The following GPC5 variants were observed in gnomAD, a reference collection of about 807,000 sequenced individuals.
GPC5 encodes the protein glypican 5.
GPC5 carries 47 observed loss-of-function variants against 53.9 expected under a neutral mutation model. The observed-to-expected ratio is 0.87, with a 90% CI of 0.69 to 1.11. The LOEUF (loss-of-function observed/expected upper bound fraction) is 1.11, where lower values mean the gene tolerates loss of function less well. Ranked by LOEUF, GPC5 falls within the 50% of genes most tolerant of loss-of-function variation. The probability of loss-of-function intolerance (pLI) is 0.00; values close to 1 mark genes in which losing one functional copy is unlikely to be tolerated. For missense variants in GPC5, 748 were observed against 713.1 expected (o/e 1.05, Z -0.56); for synonymous variants, 286 against 263.3 (o/e 1.09, Z -0.84).
At chr13:91,903,451 G>A (rs191123116) in intron 5 of GPC5, among the ~76,000 whole-genome samples, 16 of 152,162 alleles carry the variant, frequency 1.1e-4, no homozygotes, top group African/African-American at 2.9e-4. Context: ...GGTGGTTTCC[G>A]TCAGTTTACA....
chr13:92,738,922 G>A (rs922485214), intron 7 of GPC5, among the ~76,000 whole-genome samples: 4 of 152,056 alleles, frequency 2.6e-5, no homozygotes, highest in Non-Finnish European at 5.9e-5. Context: ...AAACTCATTT[G>A]ACCACAGTAC....
chr13:91,420,251 T>C lies in GPC5; in HGVS notation c.163+21042T>C, dbSNP rs77534255. Among the ~76,000 whole-genome samples the C allele has an allele frequency of 6.0e-4, 92 of 152,344 alleles. No homozygotes were observed. The East Asian group carries it at 0.014, about 24-fold the overall frequency. On this transcript the variant is annotated intron_variant, in intron 1 of 7. Coordinates refer to ENST00000377067, the MANE Select transcript of GPC5 (RefSeq NM_004466.6). ...CTTTCATACTTGTGGGTTTCCTTTG[T>C]TATTCCTTTAGTAAATTTTATTTTT...
At chr13:92,635,603 T>C (rs1362013012) in intron 7 of GPC5, among the ~76,000 whole-genome samples, 2 of 152,174 alleles carry the variant, frequency 1.3e-5, no homozygotes, top group Non-Finnish European at 2.9e-5. Context: ...AGGTCCCACT[T>C]CTCACCACTG....
intron 2 of GPC5, among the ~76,000 whole-genome samples, chr13:91,579,569 T>C (rs1455410331): frequency 6.6e-6 from 1 of 152,098 alleles, no homozygotes; most frequent in East Asian, 1.9e-4. Flanking sequence ...TCTTACTCCT[T>C]AAGCTCTTAC....
chr13:92,050,125 G>T (rs571496711), intron 6 of GPC5, among the ~76,000 whole-genome samples: 9 of 152,158 alleles, frequency 5.9e-5, no homozygotes, highest in Non-Finnish European at 1.3e-4. Flanking sequence ...AATGAGGAGA[G>T]TGTACTCATA....
Position 91,594,985 on chromosome 13 carries a change from C to CATTTATTT in GPC5, c.326-98153_326-98146dup, listed in dbSNP as rs60740693. ...TTGCCCAGGCTTATTTTTTTATTTA[C>CATTTATTT]ATTTATTTATTTATTTATTTATTTA... On this transcript the variant is annotated intron_variant, in intron 2 of 7. Coordinates refer to ENST00000377067, the MANE Select transcript of GPC5 (RefSeq NM_004466.6). Among the ~76,000 whole-genome samples, 206 of 137,568 alleles carry CATTTATTT rather than the reference C, an allele frequency of 1.5e-3. 1 individual carries two copies. Among genetic ancestry groups the CATTTATTT allele is most frequent in the African/African-American group, 3.1e-3 (112 of 36,618 alleles). 90.2% of individuals were successfully genotyped at this position (137,568 alleles called of 152,430 possible). A position where few individuals can be genotyped will look rare whatever the true frequency, so the allele number is the denominator to read the frequency against.
rs147194260 is a variant in GPC5, at chr13:92,294,031, T to C, written c.1561+149042T>C. Reference sequence around the variant, plus strand: ...GTGTGTTAAACCATTCTTGCATCCCTGGTATGAAACCTACTTGATCATGTT... The same window carrying C: ...GTGTGTTAAACCATTCTTGCATCCCCGGTATGAAACCTACTTGATCATGTT... On this transcript the variant is annotated intron_variant, in intron 7 of 7. Transcript: ENST00000377067. Among the ~76,000 whole-genome samples the C allele has an allele frequency of 1.9e-3, 293 of 152,338 alleles. 3 individuals are homozygous for C. Among genetic ancestry groups the C allele is most frequent in the African/African-American group, 5.9e-3 (246 of 41,576 alleles).
intron 1 of GPC5, among the ~76,000 whole-genome samples, chr13:91,421,941 G>C (rs781435692): frequency 2.0e-5 from 3 of 152,196 alleles, no homozygotes; most frequent in Admixed American, 6.5e-5. Flanking sequence ...ATGAAGTCAG[G>C]AGTACTAGCT....
chr13:91,903,647 T>A (rs1444981294), intron 5 of GPC5, among the ~76,000 whole-genome samples: 1 of 152,160 alleles, frequency 6.6e-6, no homozygotes, highest in Non-Finnish European at 1.5e-5. Flanking sequence ...TTTGAAGTAA[T>A]GTGTGTCTAC....
At chr13:91,518,444 T>TA (rs1885627350) in intron 2 of GPC5, among the ~76,000 whole-genome samples, 1 of 152,224 alleles carries the variant, frequency 6.6e-6, no homozygotes, top group East Asian at 1.9e-4. Flanking sequence ...TAATTTATTT[T>TA]AAAAGTTTAT....
chr13:92,094,725 A>T (rs1356068680), intron 6 of GPC5, among the ~76,000 whole-genome samples: 3 of 151,238 alleles, frequency 2.0e-5, no homozygotes, highest in Admixed American at 2.0e-4. Context: ...GATCTCAGAA[A>T]AATCCTAATT....
intron 5 of GPC5, among the ~76,000 whole-genome samples, chr13:91,772,876 AGTTTGGGG>A (rs1326919588): frequency 6.6e-6 from 1 of 152,168 alleles, no homozygotes; most frequent in African/African-American, 2.4e-5. Context: ...TGAGCACATA[AGTTTGGGG>A]ACCACTGCCT....
intron 6 of GPC5, among the ~76,000 whole-genome samples, chr13:92,107,433 G>T (rs369001464): frequency 6.6e-6 from 1 of 151,936 alleles, no homozygotes. Flanking sequence ...TTTTCTCAGT[G>T]TTGGGGCACT....
At chr13:92,565,189 G>T (rs1882825358) in intron 7 of GPC5, among the ~76,000 whole-genome samples, 1 of 151,958 alleles carries the variant, frequency 6.6e-6, no homozygotes, top group African/African-American at 2.4e-5. Flanking sequence ...ATATTTTAAA[G>T]GAAAATAGAT....
chr13:92,544,022 G>A (rs1882018761), intron 7 of GPC5, among the ~76,000 whole-genome samples: 1 of 151,584 alleles, frequency 6.6e-6, no homozygotes, highest in South Asian at 2.1e-4. Flanking sequence ...ATTTCAAAAT[G>A]CCAAATAGAA....
intron 7 of GPC5, among the ~76,000 whole-genome samples, chr13:92,488,210 C>T (rs1028043876): frequency 1.3e-4 from 20 of 152,062 alleles, no homozygotes; most frequent in African/African-American, 3.4e-4. Context: ...TTTTTTCTAA[C>T]GTGGCTGTGA....
chr13:92,563,463 T>C (rs7983573), intron 7 of GPC5, among the ~76,000 whole-genome samples: 9,554 of 152,078 alleles, frequency 0.063, 861 homozygotes, highest in African/African-American at 0.2. Flanking sequence ...GCATGAAATA[T>C]AATTTTTGTT....
chr13:92,431,265 A>G (rs2139374107), intron 7 of GPC5, among the ~76,000 whole-genome samples: 1 of 152,322 alleles, frequency 6.6e-6, no homozygotes, highest in African/African-American at 2.4e-5. Flanking sequence ...ATAGTTGAAC[A>G]CAAATGGTAA....
At chr13:91,952,189 C>CTCTATGTG (rs138325351) in intron 6 of GPC5, among the ~76,000 whole-genome samples, 15 of 119,414 alleles carry the variant, frequency 1.3e-4, no homozygotes, top group African/African-American at 3.7e-4. Context: ...CTCTCTCTCT[C>CTCTATGTG]TGTGTGTGTG....
Sources: allele counts gnomAD v4.1 joint callset (sites outside exome capture counted in the v4.1 genomes callset), GRCh38; gene constraint gnomAD v4.1.1; transcripts MANE v1.5; gene names NCBI Gene and HGNC (gene_info 2026-07-23, HGNC 2026-07-21).